Variants in VGLL3 observed in about 807,000 individuals in gnomAD.
VGLL3 encodes the protein transcription cofactor vestigial-like protein 3.
Under a neutral mutation model 29.2 loss-of-function variants are expected in VGLL3, and 18 were observed. The ratio of observed to expected loss-of-function variants is 0.62; its 90% CI spans 0.43 to 0.91. VGLL3 has a LOEUF of 0.91. Among genes scored for constraint, VGLL3 ranks in the 40% least tolerant of loss-of-function variants. The probability of loss-of-function intolerance (pLI) is 0.00; values close to 1 mark genes in which losing one functional copy is unlikely to be tolerated. For missense variants in VGLL3, 440 were observed against 413.2 expected, an observed-to-expected ratio of 1.06 and a Z score of -0.56; for synonymous variants, 180 against 151.8, an observed-to-expected ratio of 1.19 and a Z score of -1.36.
chr3:86,956,780 G>T (rs1272701712), intron 3 of VGLL3, among the ~76,000 whole-genome samples: 1 of 120,658 alleles, frequency 8.3e-6, no homozygotes, highest in East Asian at 2.3e-4. Context: ...GCGAGACTCC[G>T]TCCCACCGTC....
chr3:86,949,457 T>C (rs1401048787), intron 3 of VGLL3, among the ~76,000 whole-genome samples: 1 of 152,030 alleles, frequency 6.6e-6, no homozygotes, highest in Admixed American at 6.6e-5. Flanking sequence ...TATTTGTAAA[T>C]CTCAAAATAG....
rs568871504 is a variant in VGLL3 at position 86,963,277 on chromosome 3, A to G, written c.937+5313T>C. 5.3e-5 allele frequency among the ~76,000 whole-genome samples: 8 copies of G among 152,370 alleles called. No individual in the cohort carries two copies. In the East Asian group the frequency reaches 1.5e-3, roughly 29 times the overall value. On this transcript the variant is annotated intron_variant, in intron 3 of 3. Coordinates refer to ENST00000398399, the MANE Select transcript of VGLL3 (RefSeq NM_016206.4). ...AGCCCCAAAAAAGAATGACTTTATG[A>G]TAGATGCTACAACACGCATGAAACT...
At position 86,980,578 on chromosome 3, in the gene VGLL3, A is replaced by G. The variant is rs573480358; in HGVS notation, c.127-1776T>C. 2.4e-4 allele frequency among the ~76,000 whole-genome samples: 36 copies of G among 152,262 alleles called. No individual in the cohort carries two copies. In the South Asian group the frequency reaches 5.8e-3, roughly 25 times the overall value. On this transcript the variant is annotated intron_variant, in intron 1 of 3. Transcript: ENST00000398399. ...AATCTACCTCTGCACAGATTTGAACATGTTTATATTTAACTTCAATAGTAT... is the reference window on the plus strand; with the variant it reads ...AATCTACCTCTGCACAGATTTGAACGTGTTTATATTTAACTTCAATAGTAT...
At position 86,944,076 on chromosome 3, in the gene VGLL3, G is replaced by A. The variant is rs142018183; in HGVS notation, c.*2948C>T. 91 of 152,190 alleles carry A rather than the reference G, an allele frequency of 6.0e-4. No homozygotes were observed. The highest frequency in any genetic ancestry group is 2.1e-3 in the African/African-American group (86 of 41,532). 9.4% of individuals were successfully genotyped at this position (152,190 alleles called of 1,614,324 possible). A position where few individuals can be genotyped will look rare whatever the true frequency, so the allele number is the denominator to read the frequency against. On this transcript the variant is annotated 3_prime_UTR_variant, in exon 4 of 4. Transcript: ENST00000398399. ...CAGAGAATGACAGGATTTTAAACTT[G>A]GAATGAATTCAGAATATTATGCTAA...
intron 2 of VGLL3, among the ~76,000 whole-genome samples, chr3:86,970,434 T>C (rs1191597483): frequency 6.6e-6 from 1 of 150,652 alleles, no homozygotes; most frequent in Non-Finnish European, 1.5e-5. Flanking sequence ...GGAAGTAAGC[T>C]TTAGGCAAAT....
chr3:86,966,276 G>A (rs541311092), intron 3 of VGLL3, among the ~76,000 whole-genome samples: 14 of 152,190 alleles, frequency 9.2e-5, no homozygotes, highest in African/African-American at 3.4e-4. Context: ...CTGAACTCTA[G>A]ATTTTCCCCA....
rs1575852925 is a variant in VGLL3, at chr3:86,938,693, C to G, written c.*8331G>C. 6.6e-6 allele frequency: 1 copy of G among 152,068 alleles called. No individual in the cohort carries two copies. Among genetic ancestry groups the G allele is most frequent in the South Asian group, 2.1e-4 (1 of 4,822 alleles). 9.4% of individuals were successfully genotyped at this position (152,068 alleles called of 1,614,324 possible). ...TCAGCAGCATTCCAGAGTATGGATA[C>G]CTTCTTTACACATTAAATCTATCAA... On this transcript the variant is annotated 3_prime_UTR_variant, in exon 4 of 4. Coordinates refer to ENST00000398399, the MANE Select transcript of VGLL3 (RefSeq NM_016206.4).
intron 3 of VGLL3, among the ~76,000 whole-genome samples, chr3:86,958,005 G>A (rs1420166486): frequency 1.3e-5 from 2 of 151,988 alleles, no homozygotes; most frequent in Non-Finnish European, 2.9e-5. Context: ...ATATGTACGT[G>A]CACATACGAT....
intron 2 of VGLL3, among the ~76,000 whole-genome samples, chr3:86,973,992 T>C (rs549665898): frequency 7.9e-5 from 12 of 152,220 alleles, no homozygotes; most frequent in Non-Finnish European, 1.6e-4. Flanking sequence ...TTGAAACCAA[T>C]GTTTAGCGCT....
chr3:86,966,773 GTATATA>G (rs55986686), intron 3 of VGLL3, among the ~76,000 whole-genome samples: 3,437 of 37,132 alleles, frequency 0.093, 102 homozygotes, highest in Non-Finnish European at 0.11. Context: ...GTGTGTGTGT[GTATATA>G]TATATATATA....
chr3:86,981,490 T>C (rs1705323109), intron 1 of VGLL3, among the ~76,000 whole-genome samples: 1 of 151,886 alleles, frequency 6.6e-6, no homozygotes, highest in African/African-American at 2.4e-5. Context: ...ATTCTTTTTA[T>C]TTCATATATG....
intron 3 of VGLL3, among the ~76,000 whole-genome samples, chr3:86,961,087 T>C (rs1323246450): frequency 6.6e-6 from 1 of 151,788 alleles, no homozygotes; most frequent in East Asian, 1.9e-4. Flanking sequence ...GTTGTGACAT[T>C]CATCAAAGTA....
intron 1 of VGLL3, among the ~76,000 whole-genome samples, chr3:86,982,290 G>C (rs985996792): frequency 6.6e-6 from 1 of 151,936 alleles, no homozygotes; most frequent in African/African-American, 2.4e-5. Flanking sequence ...GATTACAGGT[G>C]CCTGCCACGA....
rs949288356 is a variant in VGLL3, at chr3:86,990,753, G to T, written c.-10C>A. 3 of 1,331,476 alleles carry T rather than the reference G, an allele frequency of 2.3e-6. No homozygotes were observed. Among genetic ancestry groups the T allele is most frequent in the Non-Finnish European group, 9.6e-7 (1 of 1,039,200 alleles). The allele number at this position is 1,331,476 out of a possible 1,614,324, so 82.5% of individuals were successfully genotyped here. On this transcript the variant is annotated 5_prime_UTR_variant, in exon 1 of 4. Coordinates refer to ENST00000398399, the MANE Select transcript of VGLL3 (RefSeq NM_016206.4). ...CCTCCGCACAACTCATGGCAGCCGG[G>T]GCAGTGGCGGCCCCCGAGCTGCCGC...
In VGLL3 at chr3:86,991,015, C is replaced by G. The variant is rs917254957; in HGVS notation, c.-272G>C. On this transcript the variant is annotated 5_prime_UTR_variant, in exon 1 of 4. Transcript: ENST00000398399. The stretch of plus-strand genomic sequence containing the variant: ...TTATATAGCGGCTCAGGGACGCAGC[C>G]GCCCGCTGCGCCGCTGGGGCATTAC... 9 of 842,376 alleles carry G rather than the reference C, an allele frequency of 1.1e-5. No homozygotes were observed. Among genetic ancestry groups the G allele is most frequent in the African/African-American group, 1.8e-5 (1 of 54,780 alleles). The allele number at this position is 842,376 out of a possible 1,614,324, so 52.2% of individuals were successfully genotyped here.
At chr3:86,956,792 CAAAAAAAAAAAA>C (rs55781336) in intron 3 of VGLL3, among the ~76,000 whole-genome samples, 7 of 90,860 alleles carry the variant, frequency 7.7e-5, no homozygotes, top group Admixed American at 4.2e-4. Flanking sequence ...CCCACCGTCC[CAAAAAAAAAAAA>C]AAAAAAAAAG....
At chr3:86,955,379 T>TC (rs1704698752) in intron 3 of VGLL3, among the ~76,000 whole-genome samples, 1 of 145,266 alleles carries the variant, frequency 6.9e-6, no homozygotes, top group Admixed American at 6.8e-5. Context: ...TCTCTCTCTC[T>TC]CTTTTTTTTT....
intron 2 of VGLL3, among the ~76,000 whole-genome samples, chr3:86,969,654 G>A (rs1705048743): frequency 2.0e-5 from 3 of 151,674 alleles, no homozygotes; most frequent in African/African-American, 7.3e-5. Flanking sequence ...TTTCCATTAA[G>A]AAGAGTGTAT....
At chr3:86,963,993 G>A (rs1704910168) in intron 3 of VGLL3, among the ~76,000 whole-genome samples, 1 of 152,110 alleles carries the variant, frequency 6.6e-6, no homozygotes, top group Non-Finnish European at 1.5e-5. Context: ...TTATACACAG[G>A]GATGATACTG....
Sources: allele counts gnomAD v4.1 joint callset (sites outside exome capture counted in the v4.1 genomes callset), GRCh38; gene constraint gnomAD v4.1.1; transcripts MANE v1.5; gene names NCBI Gene and HGNC (gene_info 2026-07-23, HGNC 2026-07-21).